The following LARP1B variants were observed in gnomAD, a reference collection of about 807,000 sequenced individuals.
LARP1B encodes La ribonucleoprotein 1B, also known as la-related protein 1B.
A neutral mutation model predicts 114.2 loss-of-function variants in LARP1B; 76 were observed. The observed-to-expected ratio is 0.67, with a 90% CI of 0.55 to 0.81. The LOEUF is 0.81. Ranked by LOEUF, LARP1B falls within the 30% of genes least tolerant of loss-of-function variation. The pLI, the probability that LARP1B is intolerant of heterozygous loss-of-function variation, is 0.00. For synonymous variants in LARP1B, 345 were observed against 348.0 expected (o/e 0.99, Z 0.10); for missense variants, 1,014 against 1,075.8 (o/e 0.94, Z 0.80).
At chr4:128,103,193 A>C (rs139196276) in intron 8 of LARP1B, among the ~76,000 whole-genome samples, 115 of 152,268 alleles carry the variant, frequency 7.6e-4, no homozygotes, top group African/African-American at 2.6e-3. Context: ...TGTTTCTTCT[A>C]GGTCTTTACC....
intron 15 of LARP1B, among the ~76,000 whole-genome samples, chr4:128,191,079 A>AT (rs1353485254): frequency 5.4e-5 from 8 of 147,140 alleles, no homozygotes; most frequent in African/African-American, 1.7e-4. Context: ...CCTGTAATCC[A>AT]TTTTTCAGAA....
rs1445378446 is a variant in LARP1B at position 128,091,105 on chromosome 4, C to T, written c.463C>T (p.Arg155Ter). ...RGSFRGRGRGRGRGRGRGRGN... is the reference protein window; with the variant it reads ...RGSFRGRGRG ...TTCCTTTAGAGGTCGAGGAAGAGGC[C>T]GAGGACGGGGAAGAGGACGAGGCAG... The change falls in exon 6 of 20, where the codon CGA (arginine) becomes TGA (stop). Residue 155 changes from arginine to a stop codon, truncating the protein, a stop_gained. Transcript: ENST00000326639. LOFTEE classifies it high-confidence loss of function. 8 of 1,613,384 alleles carry T rather than the reference C, an allele frequency of 5.0e-6. No individual in the cohort carries two copies. Among genetic ancestry groups the T allele is most frequent in the South Asian group, 1.1e-5 (1 of 91,026 alleles).
chr4:128,172,601 G>A (rs1394312180), intron 12 of LARP1B, among the ~76,000 whole-genome samples: 2 of 151,914 alleles, frequency 1.3e-5, no homozygotes, highest in Non-Finnish European at 1.5e-5. Context: ...GCTGAGGCAC[G>A]AGAATCACTT....
At chr4:128,166,956 CTCTCTCTCTCTCTCTATATA>C (rs1408099765) in intron 12 of LARP1B, among the ~76,000 whole-genome samples, 1 of 114,614 alleles carries the variant, frequency 8.7e-6, no homozygotes, top group Non-Finnish European at 1.8e-5. Flanking sequence ...CTCTCTCTCT[CTCTCTCTCTCTCTCTATATA>C]TATATATATA....
At chr4:128,148,048 A>G (rs1164935048) in intron 11 of LARP1B, among the ~76,000 whole-genome samples, 2 of 152,356 alleles carry the variant, frequency 1.3e-5, no homozygotes, top group East Asian at 1.9e-4. Context: ...AGCCCTTTTA[A>G]GTTGAAAATT....
At chr4:128,063,545 C>T (rs945508581) in intron 1 of LARP1B, among the ~76,000 whole-genome samples, 1 of 151,526 alleles carries the variant, frequency 6.6e-6, no homozygotes, top group Middle Eastern at 3.4e-3. Context: ...TTTGGGAGGC[C>T]GAGGCAGGTG....
At chr4:128,222,488 G>A (rs1270062034) in exon 8 of LARP1B, 1 of 395,434 alleles carries the variant, frequency 2.5e-6, no homozygotes. Context: ...CCACTTCCAA[G>A]TTTGACTTGC....
chr4:128,091,507 T>G lies in LARP1B; in HGVS notation c.663T>G (p.Arg221=). ...EEALLKEYIK[R]QIEYYFSVEN... The stretch of plus-strand genomic sequence containing the variant: ...CATTGCTTAAAGAGTATATTAAGCG[T>G]CAAATGTAAGTGGATGTTTGATGTA... Residue 221 remains arginine (R), a synonymous_variant, in exon 7 of 20, where the codon CGT becomes CGG. Coordinates refer to ENST00000326639, the MANE Select transcript of LARP1B (RefSeq NM_018078.4). 2 of 1,598,860 alleles carry G rather than the reference T, an allele frequency of 1.3e-6. No homozygotes were observed. Among genetic ancestry groups the G allele is most frequent in the Non-Finnish European group, 1.7e-6 (2 of 1,173,916 alleles).
At chr4:128,165,054 A>G (rs1421001442) in intron 12 of LARP1B, among the ~76,000 whole-genome samples, 1 of 152,118 alleles carries the variant, frequency 6.6e-6, no homozygotes, top group East Asian at 1.9e-4. Context: ...GCTATTACAT[A>G]AAGTATAAAA....
rs914172916 is a variant in LARP1B at position 128,114,522 on chromosome 4, A to T, written c.989-48A>T. Reference sequence around the variant, plus strand: ...AAAAAATGAAGTGTATTTTGTAAGTAAGAAAAGCCATTATCATTTTAACTA... The same window carrying T: ...AAAAAATGAAGTGTATTTTGTAAGTTAGAAAAGCCATTATCATTTTAACTA... On this transcript the variant is annotated intron_variant, in intron 9 of 19. Transcript: ENST00000326639. 5 of 1,372,894 alleles carry T rather than the reference A, an allele frequency of 3.6e-6. No individual in the cohort carries two copies. In the East Asian group the frequency reaches 1.2e-4, roughly 32 times the overall value. 85.0% of individuals were successfully genotyped at this position (1,372,894 alleles called of 1,614,324 possible).
In LARP1B at chr4:128,136,250, G is replaced by A. The variant is rs565749434; in HGVS notation, c.1524+14062G>A. On this transcript the variant is annotated intron_variant, in intron 11 of 19. Transcript: ENST00000326639. Reference sequence around the variant, plus strand: ...GGAGGTGGCAGTGAGCTGAGATTGCGCCATCGTACTTCAGTCTGGGAGACA... The same window carrying A: ...GGAGGTGGCAGTGAGCTGAGATTGCACCATCGTACTTCAGTCTGGGAGACA... 4.0e-5 allele frequency among the ~76,000 whole-genome samples: 6 copies of A among 151,358 alleles called. No homozygotes were observed. In the East Asian group the frequency reaches 5.8e-4, roughly 15 times the overall value.
At chr4:128,120,556 G>A (rs1408922523) in intron 10 of LARP1B, among the ~76,000 whole-genome samples, 5 of 149,708 alleles carry the variant, frequency 3.3e-5, no homozygotes, top group African/African-American at 9.9e-5. Flanking sequence ...TCAAGCCTCC[G>A]CCTCCAGGGT....
intron 1 of LARP1B, chr4:128,062,148 A>G: frequency 1.0e-6 from 1 of 985,330 alleles, no homozygotes; most frequent in Non-Finnish European, 1.2e-6. Flanking sequence ...CCCTGGACCA[A>G]AAAGCCTCCC....
chr4:128,082,035 C>T (rs1193168027), intron 4 of LARP1B, 130 bp from the exon 5 acceptor site: 1 of 900,192 alleles, frequency 1.1e-6, no homozygotes, highest in African/African-American at 1.7e-5. Flanking sequence ...CGTGTCTGGC[C>T]TCTTTACAAA....
At position 128,209,981 on chromosome 4, in the gene LARP1B, C is replaced by T. The variant is rs1758685878; in HGVS notation, c.2673C>T (p.Thr891=). Residue 891 remains threonine, a synonymous_variant, in exon 20 of 20, where the codon ACC becomes ACT. Coordinates refer to ENST00000326639, the MANE Select transcript of LARP1B (RefSeq NM_018078.4). ...CAAATGCTGCTAAACCTACATCTAC[C>T]AGTGAGCTTCAGGTACCAATAAACT... ...KPPNAAKPTS[T]SELQVPINSP... The T allele has an allele frequency of 6.2e-7, 1 of 1,614,074 alleles. No homozygotes were observed. The highest frequency in any genetic ancestry group is 8.5e-7 in the Non-Finnish European group (1 of 1,179,972).
At chr4:128,132,429 A>G (rs1335431162) in intron 11 of LARP1B, among the ~76,000 whole-genome samples, 1 of 152,024 alleles carries the variant, frequency 6.6e-6, no homozygotes, top group Non-Finnish European at 1.5e-5. Flanking sequence ...ATTTTTTGGT[A>G]GAGACGGAAT....
Position 128,103,411 on chromosome 4 carries a change from T to C in LARP1B, c.814-3728T>C, listed in dbSNP as rs907183103. 6.6e-5 allele frequency among the ~76,000 whole-genome samples: 10 copies of C among 152,236 alleles called. 1 individual carries two copies. The highest frequency in any genetic ancestry group is 1.2e-4 in the Non-Finnish European group (8 of 68,016). On this transcript the variant is annotated intron_variant, in intron 8 of 19. Transcript: ENST00000326639. ...AAGGTATATGGTAAAAATTTTTTTT[T>C]CCCCATTTTTCCACCAACAATGAAT...
chr4:128,062,233 C>T lies in LARP1B; in HGVS notation c.-78+832C>T, dbSNP rs538144667. On this transcript the variant is annotated intron_variant, in intron 1 of 19. Coordinates refer to ENST00000326639, the MANE Select transcript of LARP1B (RefSeq NM_018078.4). ...CCCTGGAGGCAGGTCTGTGGTTGCT[C>T]TGCGTTGGGCACTGGCAGGGTGCGG... 1.2e-4 allele frequency: 122 copies of T among 985,454 alleles called. No individual in the cohort carries two copies. In the African/African-American group the frequency reaches 1.8e-3, roughly 15 times the overall value. 61.0% of individuals were successfully genotyped at this position (985,454 alleles called of 1,614,324 possible). A position where few individuals can be genotyped will look rare whatever the true frequency, so the allele number is the denominator to read the frequency against.
intron 10 of LARP1B, among the ~76,000 whole-genome samples, chr4:128,119,519 A>G (rs1174235361): frequency 1.3e-5 from 2 of 152,070 alleles, no homozygotes; most frequent in Non-Finnish European, 2.9e-5. Context: ...ATATAGTTTT[A>G]TATTCTGAGA....
Sources: allele counts gnomAD v4.1 joint callset (sites outside exome capture counted in the v4.1 genomes callset), GRCh38; gene constraint gnomAD v4.1.1; transcripts MANE v1.5; gene names NCBI Gene and HGNC (gene_info 2026-07-23, HGNC 2026-07-21).